PHTF2: variants seen among roughly 807,000 people sequenced by gnomAD.
PHTF2 encodes the protein protein PHTF2.
A neutral mutation model predicts 101.2 loss-of-function variants in PHTF2; 60 were observed. The observed-to-expected ratio is 0.59, with a 90% CI of 0.48 to 0.73. The LOEUF is 0.73. PHTF2 is among the 30% of genes least tolerant of loss of function. The pLI is 0.00. For synonymous variants in PHTF2, 311 were observed against 307.3 expected (o/e 1.01, Z -0.13); for missense variants, 747 against 908.7 (o/e 0.82, Z 2.29).
At chr7:77,879,536 A>G (rs532435578) in intron 3 of PHTF2, among the ~76,000 whole-genome samples, 97 of 152,074 alleles carry the variant, frequency 6.4e-4, no homozygotes, top group Non-Finnish European at 1.2e-3. Context: ...TTCCACAACC[A>G]CCTAATGCAA....
intron 3 of PHTF2, among the ~76,000 whole-genome samples, chr7:77,889,387 A>C (rs747902585): frequency 3.9e-5 from 6 of 152,170 alleles, no homozygotes; most frequent in Non-Finnish European, 8.8e-5. Flanking sequence ...ACAATTTCAG[A>C]GATAATTCAG....
chr7:77,921,265 C>T (rs756185714), intron 10 of PHTF2, among the ~76,000 whole-genome samples: 3 of 152,136 alleles, frequency 2.0e-5, no homozygotes, highest in African/African-American at 4.8e-5. Context: ...TTAAAGAGAA[C>T]AATTATTTCT....
At chr7:77,846,305 G>T (rs1177563765) in intron 2 of PHTF2, among the ~76,000 whole-genome samples, 1 of 152,170 alleles carries the variant, frequency 6.6e-6, no homozygotes, top group Non-Finnish European at 1.5e-5. Flanking sequence ...GGCATAGAAT[G>T]GGGCATGTAT....
intron 1 of PHTF2, among the ~76,000 whole-genome samples, chr7:77,814,735 C>T (rs1793719652): frequency 6.6e-6 from 1 of 151,874 alleles, no homozygotes; most frequent in Non-Finnish European, 1.5e-5. Flanking sequence ...TGGTCTCAAT[C>T]TCCTGACCTC....
At chr7:77,808,733 T>C (rs1394147444) in intron 1 of PHTF2, among the ~76,000 whole-genome samples, 2 of 152,228 alleles carry the variant, frequency 1.3e-5, no homozygotes, top group Non-Finnish European at 2.9e-5. Flanking sequence ...ATCTGGCTTC[T>C]CAGTGTAGGG....
At position 77,922,442 on chromosome 7, in the gene PHTF2, A is replaced by G. The variant is rs547376968; in HGVS notation, c.964-181A>G. Among the ~76,000 whole-genome samples the G allele has an allele frequency of 2.0e-5, 3 of 152,356 alleles. No individual in the cohort carries two copies. The South Asian group carries it at 6.2e-4, about 32-fold the overall frequency. On this transcript the variant is annotated intron_variant, in intron 10 of 19. Transcript: ENST00000416283. ...AAAAGTAAAAATGCCTTAAAAGTATAGTCACTGATTTAAGATATTTTTTCA... is the reference window on the plus strand; with the variant it reads ...AAAAGTAAAAATGCCTTAAAAGTATGGTCACTGATTTAAGATATTTTTTCA...
intron 1 of PHTF2, among the ~76,000 whole-genome samples, chr7:77,824,107 AT>A (rs1794518475): frequency 6.6e-6 from 1 of 152,142 alleles, no homozygotes; most frequent in African/African-American, 2.4e-5. Flanking sequence ...TTCCTTCATA[AT>A]TATTGAGTGG....
intron 1 of PHTF2, among the ~76,000 whole-genome samples, chr7:77,838,660 T>C (rs1443002899): frequency 2.0e-5 from 3 of 152,194 alleles, no homozygotes; most frequent in Non-Finnish European, 2.9e-5. Context: ...ATTTCTAGTT[T>C]ATAAGTGAAA....
At chr7:77,934,225 T>C (rs902750041) in intron 12 of PHTF2, among the ~76,000 whole-genome samples, 1 of 152,234 alleles carries the variant, frequency 6.6e-6, no homozygotes, top group Non-Finnish European at 1.5e-5. Context: ...TTTGAATTAG[T>C]ATGTTCTAAT....
intron 2 of PHTF2, among the ~76,000 whole-genome samples, chr7:77,846,562 C>G: frequency 4.0e-5 from 1 of 25,290 alleles, no homozygotes; most frequent in Non-Finnish European, 6.9e-5. Flanking sequence ...CCCTCCCCTC[C>G]CCTCGCCTCC....
At position 77,893,802 on chromosome 7, in the gene PHTF2, T is replaced by A. The variant is rs975589346; in HGVS notation, c.204+138T>A. 1.8e-5 allele frequency: 11 copies of A among 622,378 alleles called. No individual in the cohort carries two copies. The African/African-American group carries it at 2.0e-4, about 11-fold the overall frequency. 38.6% of individuals were successfully genotyped at this position (622,378 alleles called of 1,614,324 possible). On this transcript the variant is annotated intron_variant, in intron 4 of 19. Coordinates refer to ENST00000416283, the Ensembl canonical transcript of PHTF2. ...GAAGCTTTTAAAGAAAGAAGTAAAC[T>A]TTATTTACCATAGTCACGTTTACTC...
At chr7:77,823,195 C>T (rs1290001955) in intron 1 of PHTF2, among the ~76,000 whole-genome samples, 2 of 150,168 alleles carry the variant, frequency 1.3e-5, no homozygotes, top group East Asian at 2.0e-4. Context: ...TGAGCCACCG[C>T]GCCCGGCCAA....
rs781493878 is a variant in PHTF2 at position 77,942,750 on chromosome 7, A to G, written c.1923A>G (p.Leu641=). Residue 641 remains leucine, a synonymous_variant, in exon 16 of 20, where the codon TTA becomes TTG. Transcript: ENST00000416283. ...ATGTAATAGTTTCATCTGCTTTCTT[A>G]TTGACTATCTCAGTTGTATTTATCT... is the stretch of plus-strand genomic sequence containing the variant. 1.6e-5 allele frequency: 26 copies of G among 1,601,182 alleles called. No homozygotes were observed. In the South Asian group the frequency reaches 2.7e-4, roughly 17 times the overall value.
At chr7:77,837,465 T>C (rs569613556) in intron 1 of PHTF2, among the ~76,000 whole-genome samples, 1 of 152,216 alleles carries the variant, frequency 6.6e-6, no homozygotes, top group Non-Finnish European at 1.5e-5. Context: ...CTTAGCATGC[T>C]GTAAAACCTG....
At chr7:77,840,521 TAGAA>T (rs1300785084) in intron 2 of PHTF2, among the ~76,000 whole-genome samples, 5 of 152,320 alleles carry the variant, frequency 3.3e-5, no homozygotes, top group East Asian at 3.9e-4. Context: ...TTAATTATAA[TAGAA>T]AGCAAATCTC....
intron 3 of PHTF2, among the ~76,000 whole-genome samples, chr7:77,871,824 A>C (rs1450117156): frequency 6.6e-6 from 1 of 152,166 alleles, no homozygotes; most frequent in East Asian, 1.9e-4. Context: ...GTAGCTGTAA[A>C]GTGAGTGCCT....
At chr7:77,838,906 A>T (rs992960023) in intron 1 of PHTF2, among the ~76,000 whole-genome samples, 1 of 152,184 alleles carries the variant, frequency 6.6e-6, no homozygotes, top group Non-Finnish European at 1.5e-5. Flanking sequence ...GGCATTGAAT[A>T]AATTCTGCTT....
intron 16 of PHTF2, among the ~76,000 whole-genome samples, chr7:77,947,006 G>T (rs926690474): frequency 6.6e-6 from 1 of 150,930 alleles, no homozygotes; most frequent in Non-Finnish European, 1.5e-5. Context: ...TGTGATCCCA[G>T]CTACTTGGGA....
chr7:77,827,727 C>T (rs994108733), intron 1 of PHTF2, among the ~76,000 whole-genome samples: 1 of 151,840 alleles, frequency 6.6e-6, no homozygotes, highest in Non-Finnish European at 1.5e-5. Flanking sequence ...ACTGTCTGCT[C>T]CTCCCAGGTT....
Sources: allele counts gnomAD v4.1 joint callset (sites outside exome capture counted in the v4.1 genomes callset), GRCh38; gene constraint gnomAD v4.1.1; transcripts MANE v1.5; gene names NCBI Gene and HGNC (gene_info 2026-07-23, HGNC 2026-07-21).